COL4A6: variants seen among roughly 807,000 people sequenced by gnomAD.
The protein encoded by COL4A6 is collagen alpha-6(IV) chain.
A neutral mutation model predicts 126.7 loss-of-function variants in COL4A6; 59 were observed. The ratio of observed to expected loss-of-function variants is 0.47; its 90% confidence interval spans 0.38 to 0.58. The LOEUF is 0.58. Among genes scored for constraint, COL4A6 ranks in the 20% least tolerant of loss-of-function variants. The pLI, the probability that COL4A6 is intolerant of heterozygous loss-of-function variation, is 0.00. For synonymous variants in COL4A6, 547 were observed against 496.6 expected (o/e 1.10, Z -1.35); for missense variants, 1,285 against 1,337.3 (o/e 0.96, Z 0.61).
Position 108,214,116 on chromosome X carries a change from G to A in COL4A6, c.437C>T (p.Pro146Leu), listed in dbSNP as rs760836338. 1.1e-5 allele frequency: 13 copies of A among 1,199,780 alleles called. No homozygotes were observed. Among genetic ancestry groups the A allele is most frequent in the East Asian group, 5.9e-5 (2 of 33,666 alleles). Residue 146 changes from proline to leucine, a missense_variant, in exon 6 of 45, where the codon CCA becomes CTA. Coordinates refer to ENST00000334504, the MANE Select transcript of COL4A6 (RefSeq NM_033641.4). ...TGCAAATATCTGGCAGCATACGGGTGGTCCGAGAAGCCCAGGATAGCCATC... is the reference window on the plus strand; with the variant it reads ...TGCAAATATCTGGCAGCATACGGGTAGTCCGAGAAGCCCAGGATAGCCATC... Reference protein sequence around the residue: ...GPDGYPGLLGPPGLPGQKGSK... With the variant: ...GPDGYPGLLGLPGLPGQKGSK...
chrX:108,324,649 A>T (rs1356562334), intron 2 of COL4A6, among the ~76,000 whole-genome samples: 3 of 112,412 alleles, frequency 2.7e-5, no homozygotes, highest in African/African-American at 9.7e-5. Flanking sequence ...ACTTATACTT[A>T]AGATCTATTT....
intron 6 of COL4A6, among the ~76,000 whole-genome samples, chrX:108,213,161 A>G (rs1340314809): frequency 8.9e-6 from 1 of 112,171 alleles, no homozygotes; most frequent in African/African-American, 3.2e-5. Flanking sequence ...CAACCTGGTC[A>G]CTGAAGGTGG....
rs548948646 is a variant in COL4A6, at chrX:108,254,300, A to T, written c.145-32926T>A. 3.2e-4 allele frequency among the ~76,000 whole-genome samples: 35 copies of T among 110,627 alleles called. No homozygotes were observed. The South Asian group carries it at 0.014, about 43-fold the overall frequency. ...CTCCTAAAAGAGGAATGCCACAAAC[A>T]TTCCAGATAGCAAAGGTTCTAGCCT... On this transcript the variant is annotated intron_variant, in intron 3 of 44. Coordinates refer to ENST00000334504, the MANE Select transcript of COL4A6 (RefSeq NM_033641.4).
At chrX:108,198,090 C>T (rs1032730982) in intron 13 of COL4A6, among the ~76,000 whole-genome samples, 14 of 111,485 alleles carry the variant, frequency 1.3e-4, no homozygotes, top group African/African-American at 4.6e-4. Context: ...GCCCATGCTG[C>T]CCGAAACTCT....
chrX:108,346,133 C>A (rs765553808), intron 2 of COL4A6, among the ~76,000 whole-genome samples: 1 of 111,474 alleles, frequency 9.0e-6, no homozygotes, highest in African/African-American at 3.3e-5. Flanking sequence ...ACCTTGCCAC[C>A]TGGAGCCATG....
intron 2 of COL4A6, among the ~76,000 whole-genome samples, chrX:108,365,758 C>G (rs899582289): frequency 8.9e-6 from 1 of 111,794 alleles, no homozygotes; most frequent in African/African-American, 3.3e-5. Flanking sequence ...ACCTGAAGAT[C>G]TGCATTTCTA....
At chrX:108,224,854 C>A (rs900060846) in intron 3 of COL4A6, among the ~76,000 whole-genome samples, 12 of 110,938 alleles carry the variant, frequency 1.1e-4, no homozygotes, top group African/African-American at 2.6e-4. Context: ...ACACTATCAG[C>A]GACATTTTTC....
chrX:108,402,577 T>C (rs980102924), intron 2 of COL4A6, among the ~76,000 whole-genome samples: 9 of 111,197 alleles, frequency 8.1e-5, no homozygotes, highest in African/African-American at 2.9e-4. Context: ...ATCTATATCA[T>C]TAATTTTTAG....
rs1421803143 is a variant in COL4A6, at chrX:108,165,001, C to A, written c.3846G>T (p.Gly1282=). The stretch of plus-strand genomic sequence containing the variant: ...CGGTGTCGCCTTGATTCGAGGATGG[C>A]CCAGGGGGACCTGGGGGTCCAGCGG... ...PGPAGPPGPP[G]PSSNQGDTGD... is the part of the protein sequence containing the mutation. The change falls in exon 39 of 45, where the codon GGG becomes GGT. Residue 1282 remains glycine, a synonymous_variant. Coordinates refer to ENST00000334504, the MANE Select transcript of COL4A6 (RefSeq NM_033641.4). 8.3e-7 allele frequency: 1 copy of A among 1,209,461 alleles called. No individual in the cohort carries two copies. The highest frequency in any genetic ancestry group is 1.7e-5 in the African/African-American group (1 of 57,466).
chrX:108,408,759 C>T (rs906508129), intron 2 of COL4A6, among the ~76,000 whole-genome samples: 5 of 111,016 alleles, frequency 4.5e-5, no homozygotes, highest in African/African-American at 1.6e-4. Flanking sequence ...GTTGGGAGTT[C>T]GAGACCAACC....
intron 2 of COL4A6, among the ~76,000 whole-genome samples, chrX:108,356,155 G>C (rs1000954775): frequency 1.1e-5 from 1 of 90,382 alleles, no homozygotes; most frequent in Non-Finnish European, 2.1e-5. Flanking sequence ...GTATCCATGT[G>C]TTCTCATTGT....
At chrX:108,205,789 C>T (rs2035530137) in intron 9 of COL4A6, 94 bp from the exon 10 acceptor site, 1 of 728,479 alleles carries the variant, frequency 1.4e-6, no homozygotes, top group South Asian at 2.5e-5. Context: ...AGTAACTCAG[C>T]CATCTTTCCT....
intron 3 of COL4A6, among the ~76,000 whole-genome samples, chrX:108,292,943 C>T (rs181882468): frequency 0.026 from 2,187 of 84,942 alleles, 89 homozygotes; most frequent in African/African-American, 0.097. Context: ...AGTGAGATCC[C>T]GTCTCTTAGG....
intron 20 of COL4A6, among the ~76,000 whole-genome samples, chrX:108,189,151 G>A (rs1389719938): frequency 8.9e-6 from 1 of 112,205 alleles, no homozygotes; most frequent in Non-Finnish European, 1.9e-5. Context: ...TATCTTCCAT[G>A]CTTATTGTCT....
chrX:108,223,739 T>G (rs761647523), intron 3 of COL4A6, among the ~76,000 whole-genome samples: 3 of 111,011 alleles, frequency 2.7e-5, no homozygotes, highest in Non-Finnish European at 5.7e-5. Flanking sequence ...CAGGATAACA[T>G]GTGTATGTCA....
intron 6 of COL4A6, 58 bp downstream of exon 6, chrX:108,214,054 G>A: frequency 1.0e-6 from 1 of 1,002,544 alleles, no homozygotes; most frequent in Non-Finnish European, 1.4e-6. Flanking sequence ...CAGAAAAAGG[G>A]CACACGTAGA....
At chrX:108,397,415 C>T (rs754981665) in intron 2 of COL4A6, among the ~76,000 whole-genome samples, 4 of 110,880 alleles carry the variant, frequency 3.6e-5, no homozygotes, top group Non-Finnish European at 5.7e-5. Flanking sequence ...TATAGTCAGG[C>T]GTGCACTTTT....
intron 13 of COL4A6, among the ~76,000 whole-genome samples, chrX:108,198,610 G>C (rs1390045891): frequency 9.0e-6 from 1 of 110,936 alleles, no homozygotes; most frequent in East Asian, 2.8e-4. Flanking sequence ...AAGATGCCCT[G>C]GGACTGGCCC....
At chrX:108,163,216 T>G in intron 40 of COL4A6, 178 bp from the exon 41 acceptor site, 1 of 403,894 alleles carries the variant, frequency 2.5e-6, no homozygotes, top group Non-Finnish European at 4.2e-6. Context: ...TATCCATCTC[T>G]CTCCCCAGTG....
Sources: gnomAD v4.1 joint callset for allele counts (sites outside exome capture counted in the v4.1 genomes callset) on GRCh38, gnomAD v4.1.1 for gene constraint, MANE v1.5 for transcripts, NCBI Gene and HGNC (gene_info 2026-07-23, HGNC 2026-07-21) for gene names.